Variants in MPDZ observed in about 807,000 individuals in gnomAD.
MPDZ encodes multiple PDZ domain crumbs cell polarity complex component, also known as multiple PDZ domain protein.
In MPDZ, 234 loss-of-function variants were observed where a neutral mutation model predicts 239.1. That is an observed-to-expected ratio of 0.98 (90% CI 0.88 to 1.09). The LOEUF is 1.09. Among genes scored for constraint, MPDZ ranks in the 50% least tolerant of loss-of-function variants. The pLI is 0.00. For missense variants in MPDZ, 3,175 were observed against 2,510.0 expected, an observed-to-expected ratio of 1.26 and a Z score of -5.66; for synonymous variants, 1,048 against 881.3, an observed-to-expected ratio of 1.19 and a Z score of -3.35.
At chr9:13,156,686 A>G (rs1949860901) in intron 24 of MPDZ, among the ~76,000 whole-genome samples, 3 of 152,144 alleles carry the variant, frequency 2.0e-5, no homozygotes, top group Admixed American at 6.6e-5. Flanking sequence ...ATCACCTTCT[A>G]AAATCTACTT....
At chr9:13,165,540 T>TAATGATACGG in intron 22 of MPDZ, 1 of 888,030 alleles carries the variant, frequency 1.1e-6, no homozygotes, top group South Asian at 2.0e-5. Context: ...TTTCCCCCTT[T>TAATGATACGG]CCACCTCCCT....
chr9:13,279,352 C>CGCGGGGGCGCGCCTCGGCCCAGA (rs1490564832), intron 1 of MPDZ, 48 bp downstream of exon 1: 26 of 143,010 alleles, frequency 1.8e-4, no homozygotes, highest in African/African-American at 6.5e-4. Context: ...GCGCGCAGGG[C>CGCGGGGGCGCGCCTCGGCCCAGA]GCGGGGGCGC....
At chr9:13,165,084 C>T (rs143028081) in intron 22 of MPDZ, among the ~76,000 whole-genome samples, 1 of 152,226 alleles carries the variant, frequency 6.6e-6, no homozygotes, top group East Asian at 1.9e-4. Flanking sequence ...CCTGCACGTG[C>T]AGACAGGATC....
chr9:13,216,910 A>C (rs1470806765), intron 9 of MPDZ, 48 bp from the exon 10 acceptor site: 1 of 1,401,980 alleles, frequency 7.1e-7, no homozygotes, highest in Non-Finnish European at 9.9e-7. Flanking sequence ...AGCACATTCA[A>C]AGAATATCCA....
intron 7 of MPDZ, among the ~76,000 whole-genome samples, chr9:13,221,125 G>C (rs1959047207): frequency 6.6e-6 from 1 of 151,970 alleles, no homozygotes; most frequent in Non-Finnish European, 1.5e-5. Context: ...CTTGGCTTTA[G>C]TCTGAGGTTC....
At chr9:13,244,467 A>G (rs1966129787) in intron 3 of MPDZ, among the ~76,000 whole-genome samples, 1 of 152,166 alleles carries the variant, frequency 6.6e-6, no homozygotes, top group South Asian at 2.1e-4. Context: ...ATCATGCAAT[A>G]GGAAATGAAC....
At chr9:13,184,905 G>C (rs781241254) in intron 18 of MPDZ, among the ~76,000 whole-genome samples, 1 of 151,946 alleles carries the variant, frequency 6.6e-6, no homozygotes, top group Non-Finnish European at 1.5e-5. Context: ...ACTATTATAA[G>C]ATGCCAAGCT....
At chr9:13,272,698 A>C (rs1375037079) in intron 1 of MPDZ, among the ~76,000 whole-genome samples, 52 of 135,606 alleles carry the variant, frequency 3.8e-4, no homozygotes, top group African/African-American at 1.3e-3. Flanking sequence ...CTCTGTTCCT[A>C]CTAAAAAAAA....
chr9:13,157,447 A>T (rs182995738), intron 24 of MPDZ, among the ~76,000 whole-genome samples: 2 of 152,164 alleles, frequency 1.3e-5, no homozygotes, highest in Admixed American at 1.3e-4. Flanking sequence ...GTAAATTCCT[A>T]TTAAACTAAA....
chr9:13,125,828 A>T (rs1034514234), intron 34 of MPDZ, among the ~76,000 whole-genome samples: 11 of 152,194 alleles, frequency 7.2e-5, no homozygotes, highest in Admixed American at 1.3e-4. Context: ...ATACAACAAA[A>T]AAGTCAAGGT....
chr9:13,122,215 A>T (rs961128106), intron 36 of MPDZ, 45 bp from the exon 37 acceptor site: 2 of 1,537,720 alleles, frequency 1.3e-6, no homozygotes, highest in African/African-American at 2.7e-5. Flanking sequence ...CCATTCTCCT[A>T]GGAATGGTGA....
At chr9:13,154,560 C>G (rs975609378) in intron 24 of MPDZ, among the ~76,000 whole-genome samples, 1 of 152,166 alleles carries the variant, frequency 6.6e-6, no homozygotes, top group Non-Finnish European at 1.5e-5. Flanking sequence ...AGAGTCTCTA[C>G]ACAGAGTTTC....
At chr9:13,204,136 G>C (rs992461204) in intron 12 of MPDZ, among the ~76,000 whole-genome samples, 1 of 152,052 alleles carries the variant, frequency 6.6e-6, no homozygotes, top group African/African-American at 2.4e-5. Flanking sequence ...CAAAGCTTCG[G>C]TATAAGTATA....
At chr9:13,179,865 G>C (rs545505995) in intron 19 of MPDZ, among the ~76,000 whole-genome samples, 2 of 152,130 alleles carry the variant, frequency 1.3e-5, no homozygotes, top group African/African-American at 4.8e-5. Context: ...CTAAATACAC[G>C]AGCATTTAAT....
At chr9:13,123,335 T>TG (rs1459438127) in intron 35 of MPDZ, 37 bp from the exon 36 acceptor site, 1 of 1,550,056 alleles carries the variant, frequency 6.5e-7, no homozygotes, top group African/African-American at 1.4e-5. Context: ...AAATAAAAAT[T>TG]GGTTACTAAG....
Position 13,107,178 on chromosome 9 carries a change from A to C in MPDZ, c.6067-67T>G, listed in dbSNP as rs372531889. ...CTGCCTTGCAACTCACAACAGAAAA[A>C]GATCTCAACAGGAATGTAAATTGCT... On this transcript the variant is annotated intron_variant, in intron 46 of 46. Transcript: ENST00000319217. The C allele has an allele frequency of 5.3e-5, 78 of 1,471,498 alleles. No homozygotes were observed. The East Asian group carries it at 1.3e-3, about 24-fold the overall frequency. The allele number at this position is 1,471,498 out of a possible 1,614,324, so 91.2% of individuals were successfully genotyped here. A position where few individuals can be genotyped will look rare whatever the true frequency, so the allele number is the denominator to read the frequency against.
At chr9:13,234,788 G>A (rs1288725641) in intron 3 of MPDZ, among the ~76,000 whole-genome samples, 1 of 149,074 alleles carries the variant, frequency 6.7e-6, no homozygotes, top group Non-Finnish European at 1.5e-5. Context: ...GGAATTTGCT[G>A]TAACAGACGC....
intron 8 of MPDZ, among the ~76,000 whole-genome samples, chr9:13,219,082 T>C (rs184229620): frequency 8.8e-4 from 134 of 152,072 alleles, no homozygotes; most frequent in African/African-American, 3.2e-3. Context: ...TAAAAGGTTT[T>C]AGTAAGCCTT....
chr9:13,114,683 C>T (rs561093867), intron 40 of MPDZ, among the ~76,000 whole-genome samples: 11 of 152,110 alleles, frequency 7.2e-5, no homozygotes, highest in Non-Finnish European at 1.2e-4. Flanking sequence ...GGGTGGATCA[C>T]GAGGTCAGGC....
Sources: allele counts gnomAD v4.1 joint callset (sites outside exome capture counted in the v4.1 genomes callset), GRCh38; gene constraint gnomAD v4.1.1; transcripts MANE v1.5; gene names NCBI Gene and HGNC (gene_info 2026-07-23, HGNC 2026-07-21).